PTCHD4: variants seen among roughly 807,000 people sequenced by gnomAD.
The protein encoded by PTCHD4 is patched domain containing 4.
PTCHD4 carries 33 observed loss-of-function variants against 58.1 expected under a neutral mutation model. That is an observed-to-expected ratio of 0.57 (90% CI 0.43 to 0.76). The LOEUF (loss-of-function observed/expected upper bound fraction) is 0.76. Among genes scored for constraint, PTCHD4 ranks in the 30% least tolerant of loss-of-function variants. The pLI, the probability that PTCHD4 is intolerant of heterozygous loss-of-function variation, is 0.00. For missense variants in PTCHD4, 1,058 were observed against 1,027.1 expected, an observed-to-expected ratio of 1.03 and a Z score of -0.41; for synonymous variants, 478 against 409.6, an observed-to-expected ratio of 1.17 and a Z score of -2.02.
In PTCHD4 at chr6:48,007,398, G is replaced by A. The variant is rs536630743; in HGVS notation, c.898+1236C>T. Among the ~76,000 whole-genome samples, 12 of 152,216 alleles carry A rather than the reference G, an allele frequency of 7.9e-5. No individual in the cohort carries two copies. The South Asian group carries it at 2.5e-3, about 32-fold the overall frequency. Reference sequence around the variant, plus strand: ...ACATTTGCTAAGGTTGAAAAAGAAAGGGCCTATGTCACCTAGAAGACTTTC... The same window carrying A: ...ACATTTGCTAAGGTTGAAAAAGAAAAGGCCTATGTCACCTAGAAGACTTTC... On this transcript the variant is annotated intron_variant, in intron 4 of 4. Transcript: ENST00000339488.
intron 3 of PTCHD4, among the ~76,000 whole-genome samples, chr6:48,020,870 TG>T (rs1271503339): frequency 1.3e-5 from 2 of 152,126 alleles, no homozygotes; most frequent in East Asian, 3.9e-4. Flanking sequence ...TATAGGATTA[TG>T]GGTCAGTTCT....
At chr6:47,901,445 A>C in intron 4 of PTCHD4, 1 of 980,998 alleles carries the variant, frequency 1.0e-6, no homozygotes, top group Non-Finnish European at 1.2e-6. Flanking sequence ...ATTGCCAGGT[A>C]ACCTCCTTCA....
chr6:48,092,813 AC>A (rs2113904029), intron 1 of PTCHD4, among the ~76,000 whole-genome samples: 1 of 152,336 alleles, frequency 6.6e-6, no homozygotes, highest in East Asian at 1.9e-4. Flanking sequence ...CAGTGAGGCC[AC>A]CAAGGCAAGA....
intron 4 of PTCHD4, among the ~76,000 whole-genome samples, chr6:47,950,001 G>A (rs956223279): frequency 1.3e-5 from 2 of 151,558 alleles, no homozygotes; most frequent in Non-Finnish European, 2.9e-5. Flanking sequence ...TTTAGCGTTA[G>A]GTATATCTCC....
At chr6:48,099,559 G>GAGAATTATTTC (rs978080391) in intron 1 of PTCHD4, among the ~76,000 whole-genome samples, 7 of 152,140 alleles carry the variant, frequency 4.6e-5, no homozygotes, top group Non-Finnish European at 8.8e-5. Flanking sequence ...GATTATTTCA[G>GAGAATTATTTC]AATCCAGGAA....
chr6:47,962,651 G>T (rs141959514), intron 4 of PTCHD4, among the ~76,000 whole-genome samples: 4 of 152,104 alleles, frequency 2.6e-5, no homozygotes, highest in Non-Finnish European at 5.9e-5. Context: ...TTGGCCTTCC[G>T]CCATGATTAT....
rs1363565128 is a variant in PTCHD4, at chr6:48,069,179, C to A, written c.-222G>T. On this transcript the variant is annotated 5_prime_UTR_variant, in exon 2 of 5. Coordinates refer to ENST00000339488, the MANE Select transcript of PTCHD4 (RefSeq NM_001384253.1). ...GAGGGGGGGAGAGGAGGGAGAAGGG[C>A]GGGAGCACGTTGGGGGTGGGGGGGC... Among the ~76,000 whole-genome samples the A allele has an allele frequency of 2.6e-5, 1 of 39,024 alleles. No individual in the cohort carries two copies. Among genetic ancestry groups the A allele is most frequent in the East Asian group, 5.2e-4 (1 of 1,928 alleles). 25.6% of individuals were successfully genotyped at this position (39,024 alleles called of 152,430 possible). A position where few individuals can be genotyped will look rare whatever the true frequency, so the allele number is the denominator to read the frequency against.
Position 48,013,682 on chromosome 6 carries a change from C to T in PTCHD4, c.418-4568G>A, listed in dbSNP as rs113879520. ...GCTTGGTATAATTTTTAGCTCCACC[C>T]TTGTTTCTACACCTTTGAAATCCCA... On this transcript the variant is annotated intron_variant, in intron 3 of 4. Transcript: ENST00000339488. 1.6e-4 allele frequency among the ~76,000 whole-genome samples: 25 copies of T among 152,136 alleles called. No homozygotes were observed. The East Asian group carries it at 1.9e-3, about 12-fold the overall frequency.
At chr6:48,108,316 C>T (rs1312738776) in intron 1 of PTCHD4, among the ~76,000 whole-genome samples, 3 of 152,020 alleles carry the variant, frequency 2.0e-5, no homozygotes, top group African/African-American at 7.2e-5. Flanking sequence ...ATGGATGAAG[C>T]TGGAAACCAT....
At chr6:48,085,698 G>T (rs1393786081) in intron 1 of PTCHD4, among the ~76,000 whole-genome samples, 1 of 152,134 alleles carries the variant, frequency 6.6e-6, no homozygotes, top group Non-Finnish European at 1.5e-5. Context: ...TTCCTTGCTT[G>T]GCTGATAAGT....
At chr6:48,053,328 C>G (rs918834224) in intron 3 of PTCHD4, among the ~76,000 whole-genome samples, 2 of 152,072 alleles carry the variant, frequency 1.3e-5, no homozygotes, top group Non-Finnish European at 2.9e-5. Flanking sequence ...AAGAGTAATT[C>G]ACTTTGTCGT....
intron 3 of PTCHD4, among the ~76,000 whole-genome samples, chr6:48,045,815 TAC>T (rs1187692008): frequency 2.0e-5 from 3 of 150,994 alleles, no homozygotes; most frequent in African/African-American, 7.3e-5. Flanking sequence ...CAGCTTTGAG[TAC>T]AGAGATTGAC....
intron 4 of PTCHD4, among the ~76,000 whole-genome samples, chr6:47,979,852 T>A (rs974581503): frequency 2.6e-5 from 4 of 152,062 alleles, no homozygotes; most frequent in Non-Finnish European, 5.9e-5. Flanking sequence ...GTTCATAAAA[T>A]TGACCACTGC....
At chr6:48,105,644 A>T (rs1195260465) in intron 1 of PTCHD4, among the ~76,000 whole-genome samples, 1 of 152,196 alleles carries the variant, frequency 6.6e-6, no homozygotes, top group Non-Finnish European at 1.5e-5. Context: ...CCCTTCAAAA[A>T]ATCAATGAAT....
intron 3 of PTCHD4, among the ~76,000 whole-genome samples, chr6:48,010,979 G>A (rs543235769): frequency 1.3e-5 from 2 of 152,236 alleles, no homozygotes; most frequent in South Asian, 2.1e-4. Flanking sequence ...AACCTATTAT[G>A]GATAGGCATT....
chr6:48,046,729 T>C (rs996106341), intron 3 of PTCHD4, among the ~76,000 whole-genome samples: 4 of 151,872 alleles, frequency 2.6e-5, no homozygotes, highest in Non-Finnish European at 4.4e-5. Context: ...TAATTTATTA[T>C]ACAACTTGTC....
chr6:47,943,638 C>T (rs1284648975), intron 4 of PTCHD4, among the ~76,000 whole-genome samples: 1 of 151,982 alleles, frequency 6.6e-6, no homozygotes, highest in Admixed American at 6.6e-5. Flanking sequence ...TTGTAAACAA[C>T]GTTTTATTGG....
intron 3 of PTCHD4, among the ~76,000 whole-genome samples, chr6:48,018,226 G>A (rs1012321503): frequency 3.9e-5 from 6 of 152,132 alleles, no homozygotes; most frequent in Non-Finnish European, 4.4e-5. Context: ...CTACTATACC[G>A]CCGGGTGACA....
chr6:47,937,402 A>G (rs1766043500), intron 4 of PTCHD4, among the ~76,000 whole-genome samples: 1 of 152,144 alleles, frequency 6.6e-6, no homozygotes, highest in Non-Finnish European at 1.5e-5. Flanking sequence ...TTCCTTATGG[A>G]CTTTGTGAAG....
Sources: allele counts gnomAD v4.1 joint callset (sites outside exome capture counted in the v4.1 genomes callset), GRCh38; gene constraint gnomAD v4.1.1; transcripts MANE v1.5; gene names NCBI Gene and HGNC (gene_info 2026-07-23, HGNC 2026-07-21).